The following RAB40B variants were observed in gnomAD, a reference collection of about 807,000 sequenced individuals.
RAB40B encodes RAB40B, member RAS oncogene family.
Under a neutral mutation model 24.0 loss-of-function variants are expected in RAB40B, and 21 were observed. The observed-to-expected ratio is 0.88, with a 90% CI of 0.62 to 1.26. RAB40B has a LOEUF of 1.26. Ranked by LOEUF, RAB40B falls within the 50% of genes most tolerant of loss-of-function variation. The probability of loss-of-function intolerance (pLI) is 0.00; values close to 1 mark genes in which losing one functional copy is unlikely to be tolerated. For synonymous variants in RAB40B, 167 were observed against 169.8 expected, an observed-to-expected ratio of 0.98 and a Z score of 0.13; for missense variants, 348 against 390.5, an observed-to-expected ratio of 0.89 and a Z score of 0.92.
intron 1 of RAB40B, among the ~76,000 whole-genome samples, chr17:82,683,920 A>T (rs2046470270): frequency 6.6e-6 from 1 of 152,132 alleles, no homozygotes; most frequent in Non-Finnish European, 1.5e-5. Flanking sequence ...AATGCAAATT[A>T]AAATTACAAT....
At chr17:82,662,929 C>T (rs1443488622) in intron 2 of RAB40B, among the ~76,000 whole-genome samples, 3 of 151,158 alleles carry the variant, frequency 2.0e-5, no homozygotes, top group South Asian at 2.1e-4. Flanking sequence ...GGGCCGAGTG[C>T]GGCCTTTGGG....
intron 5 of RAB40B, 62 bp from the exon 6 acceptor site, chr17:82,658,196 G>A: frequency 6.4e-7 from 1 of 1,568,194 alleles, no homozygotes; most frequent in Non-Finnish European, 8.6e-7. Context: ...GGAATGAGGG[G>A]TGGTGCCCAC....
rs138907807 is a variant in RAB40B at position 82,690,609 on chromosome 17, T to G, written c.142+7846A>C. On this transcript the variant is annotated intron_variant, in intron 1 of 5. Transcript: ENST00000571995. ...GTGTGCACGTGTGTCCAGGGGAAGA[T>G]CTGCAGAATTGGAGGGAGCATGGAG... Among the ~76,000 whole-genome samples, 475 of 147,036 alleles carry G rather than the reference T, an allele frequency of 3.2e-3. 1 individual carries two copies. The highest frequency in any genetic ancestry group is 5.1e-3 in the Non-Finnish European group (341 of 67,310).
intron 1 of RAB40B, among the ~76,000 whole-genome samples, chr17:82,695,962 C>T (rs868470852): frequency 2.0e-5 from 3 of 151,884 alleles, no homozygotes; most frequent in Non-Finnish European, 4.4e-5. Flanking sequence ...CTCCGCCTCC[C>T]GGGTTCAAGC....
At chr17:82,660,088 G>A (rs1380422186) in intron 3 of RAB40B, among the ~76,000 whole-genome samples, 1 of 151,072 alleles carries the variant, frequency 6.6e-6, no homozygotes, top group African/African-American at 2.4e-5. Context: ...ACACACGCAG[G>A]CACTCATGCA....
At position 82,679,982 on chromosome 17, in the gene RAB40B, G is replaced by A. The variant is rs8064270; in HGVS notation, c.143-15426C>T. ...CAGTGGCTGTGGGAGGGACAGAGGG[G>A]CCAGATCCCAGAGCTCCCCTCACAA... On this transcript the variant is annotated intron_variant, in intron 1 of 5. Coordinates refer to ENST00000571995, the MANE Select transcript of RAB40B (RefSeq NM_006822.3). Among the ~76,000 whole-genome samples the A allele has an allele frequency of 8.4e-3, 1,275 of 152,346 alleles. 13 individuals are homozygous for A. Among genetic ancestry groups the A allele is most frequent in the African/African-American group, 0.03 (1,227 of 41,572 alleles).
At chr17:82,686,269 G>A (rs770463962) in intron 1 of RAB40B, among the ~76,000 whole-genome samples, 37 of 150,720 alleles carry the variant, frequency 2.5e-4, no homozygotes, top group Non-Finnish European at 3.7e-4. Context: ...CTGCCACCAC[G>A]CCCAGCTAAT....
chr17:82,657,728 C>A lies in RAB40B; in HGVS notation c.*135G>T. The A allele has an allele frequency of 9.3e-7, 1 of 1,070,130 alleles. No homozygotes were observed. The highest frequency in any genetic ancestry group is 2.4e-5 in the East Asian group (1 of 42,358). 66.3% of individuals were successfully genotyped at this position (1,070,130 alleles called of 1,614,324 possible). Reference sequence around the variant, plus strand: ...CCGACGGGGTAGTGTGTTTCCATCACACGGAAGGCGTCGCACACATTCGCA... The same window carrying A: ...CCGACGGGGTAGTGTGTTTCCATCAAACGGAAGGCGTCGCACACATTCGCA... On this transcript the variant is annotated 3_prime_UTR_variant, in exon 6 of 6. Coordinates refer to ENST00000571995, the MANE Select transcript of RAB40B (RefSeq NM_006822.3).
At chr17:82,685,809 T>C (rs9898182) in intron 1 of RAB40B, among the ~76,000 whole-genome samples, 2,191 of 137,892 alleles carry the variant, frequency 0.016, 54 homozygotes, top group African/African-American at 0.05. Context: ...TCTTCTTCTT[T>C]TTTTTTTTTT....
chr17:82,658,655 C>T lies in RAB40B; in HGVS notation c.401G>A (p.Arg134Gln), dbSNP rs375262445. The change falls in exon 5 of 6, where the codon CGG (arginine) becomes CAG (glutamine). Residue 134 changes from arginine (R) to glutamine (Q), a missense_variant. Arg to Gln is a conservative substitution (Grantham distance 43). This residue lies in a region of RAB40B where 126 missense variants were observed against 181.0 expected (regional missense o/e 0.70). Transcript: ENST00000571995. The stretch of plus-strand genomic sequence containing the variant: ...CTGGGCCTGCTCCGTGGGCACCTGC[C>T]GCTTGAACGCCAGGTGCAGGCGGTT... The part of the protein sequence containing the change: ...VGNRLHLAFK[R>Q]QVPTEQAQAY... 1.4e-5 allele frequency: 22 copies of T among 1,613,358 alleles called. No homozygotes were observed. The highest frequency in any genetic ancestry group is 1.7e-5 in the Non-Finnish European group (20 of 1,179,948).
At chr17:82,658,464 G>A (rs758599960) in intron 5 of RAB40B, 27 bp downstream of exon 5, 5 of 1,607,152 alleles carry the variant, frequency 3.1e-6, no homozygotes, top group Non-Finnish European at 3.4e-6. Flanking sequence ...GGGCAGAGGT[G>A]GCCCCCGGAA....
At chr17:82,659,707 G>T in intron 3 of RAB40B, 50 bp from the exon 4 acceptor site, 5 of 1,453,600 alleles carry the variant, frequency 3.4e-6, no homozygotes, top group Non-Finnish European at 3.9e-6. Context: ...TGCAGGCACA[G>T]CTGTGGCCAT....
At chr17:82,664,700 T>C in intron 1 of RAB40B, 144 bp from the exon 2 acceptor site, 1 of 755,304 alleles carries the variant, frequency 1.3e-6, no homozygotes, top group Non-Finnish European at 2.2e-6. Flanking sequence ...TCCCTGTGTC[T>C]GCCCAAGCTC....
Position 82,657,853 on chromosome 17 carries a change from A to G in RAB40B, c.*10T>C. The G allele has an allele frequency of 6.4e-7, 1 of 1,556,476 alleles. No homozygotes were observed. The highest frequency in any genetic ancestry group is 1.1e-5 in the South Asian group (1 of 89,960). On this transcript the variant is annotated 3_prime_UTR_variant, in exon 6 of 6. Coordinates refer to ENST00000571995, the MANE Select transcript of RAB40B (RefSeq NM_006822.3). Reference sequence around the variant, plus strand: ...GGAGAGATTCCGCCGTGTTTCTTTCAGTGCCTTCCTTAAGAAATTTTGCAG... The same window carrying G: ...GGAGAGATTCCGCCGTGTTTCTTTCGGTGCCTTCCTTAAGAAATTTTGCAG...
intron 2 of RAB40B, among the ~76,000 whole-genome samples, chr17:82,661,738 T>C (rs1598295225): frequency 6.6e-6 from 1 of 151,916 alleles, no homozygotes; most frequent in South Asian, 2.1e-4. Context: ...AATACAAAAA[T>C]TAGCTGGACA....
chr17:82,689,265 C>T (rs147917424), intron 1 of RAB40B, among the ~76,000 whole-genome samples: 22 of 152,354 alleles, frequency 1.4e-4, no homozygotes, highest in Admixed American at 8.5e-4. Flanking sequence ...GGCAGGACTG[C>T]GGGTCTGCCT....
intron 4 of RAB40B, 30 bp downstream of exon 4, chr17:82,659,550 A>AGGGCTTT: frequency 1.2e-6 from 2 of 1,605,556 alleles, no homozygotes; most frequent in Non-Finnish European, 1.7e-6. Context: ...GCCTACAGGG[A>AGGGCTTT]TCTTGGGCAG....
At chr17:82,674,104 GC>G (rs1316419560) in intron 1 of RAB40B, among the ~76,000 whole-genome samples, 1 of 152,224 alleles carries the variant, frequency 6.6e-6, no homozygotes, top group Non-Finnish European at 1.5e-5. Context: ...ACTTTGGGAG[GC>G]CGAGGCGGGC....
chr17:82,660,509 A>G (rs2046154919), intron 3 of RAB40B, among the ~76,000 whole-genome samples: 1 of 151,466 alleles, frequency 6.6e-6, no homozygotes. Context: ...ACATGCAGGC[A>G]CTCATGCACA....
Sources: allele counts gnomAD v4.1 joint callset (sites outside exome capture counted in the v4.1 genomes callset), GRCh38; gene constraint gnomAD v4.1.1; regional missense constraint gnomAD v4.1.1; transcripts MANE v1.5; gene names NCBI Gene and HGNC (gene_info 2026-07-23, HGNC 2026-07-21).